PEPD: variants seen among roughly 807,000 people sequenced by gnomAD.
PEPD encodes peptidase D, also known as xaa-Pro dipeptidase.
Under a neutral mutation model 60.7 loss-of-function variants are expected in PEPD, and 53 were observed. That is an observed-to-expected ratio of 0.87 (90% CI 0.70 to 1.10). PEPD has a LOEUF of 1.10. Ranked by LOEUF, PEPD falls within the 50% of genes least tolerant of loss-of-function variation. The pLI is 0.00. For synonymous variants in PEPD, 267 were observed against 284.1 expected, an observed-to-expected ratio of 0.94 and a Z score of 0.60; for missense variants, 711 against 711.9, an observed-to-expected ratio of 1.00 and a Z score of 0.01.
At chr19:33,390,240 TG>T (rs767384319) in intron 13 of PEPD, among the ~76,000 whole-genome samples, 1 of 151,710 alleles carries the variant, frequency 6.6e-6, no homozygotes, top group Non-Finnish European at 1.5e-5. Flanking sequence ...TTTTTGCTGG[TG>T]GAAAAAAAGC....
chr19:33,454,128 C>T (rs534293890), intron 9 of PEPD, among the ~76,000 whole-genome samples: 1 of 152,172 alleles, frequency 6.6e-6, no homozygotes, highest in East Asian at 1.9e-4. Context: ...AAGATGAGCC[C>T]GGTGCAACCC....
At chr19:33,508,966 C>A (rs960730878) in intron 3 of PEPD, among the ~76,000 whole-genome samples, 1 of 152,224 alleles carries the variant, frequency 6.6e-6, no homozygotes, top group African/African-American at 2.4e-5. Flanking sequence ...AGAGAAGGAA[C>A]TGGAGCCCCA....
intron 9 of PEPD, among the ~76,000 whole-genome samples, chr19:33,432,086 G>A (rs1214943337): frequency 2.0e-5 from 3 of 151,482 alleles, no homozygotes; most frequent in African/African-American, 7.3e-5. Flanking sequence ...CCCAGGTAAG[G>A]GCCACTCTGG....
chr19:33,499,201 A>G (rs79107016), intron 4 of PEPD, among the ~76,000 whole-genome samples: 5,874 of 152,212 alleles, frequency 0.039, 250 homozygotes, highest in African/African-American at 0.099. Flanking sequence ...TATTGACAGA[A>G]TCTTCAGATG....
At chr19:33,445,515 C>A (rs1244328740) in intron 9 of PEPD, among the ~76,000 whole-genome samples, 1 of 152,168 alleles carries the variant, frequency 6.6e-6, no homozygotes, top group Non-Finnish European at 1.5e-5. Flanking sequence ...CCCAGGGATG[C>A]GTGCACACAG....
intron 14 of PEPD, 198 bp downstream of exon 14, chr19:33,387,692 G>A (rs946824680): frequency 4.8e-5 from 37 of 773,904 alleles, no homozygotes; most frequent in Middle Eastern, 3.5e-4. Context: ...CCTGGAGCGG[G>A]CAGGGGTTTT....
chr19:33,422,811 T>A (rs1969053139), intron 9 of PEPD, among the ~76,000 whole-genome samples: 1 of 140,618 alleles, frequency 7.1e-6, no homozygotes, highest in Non-Finnish European at 1.6e-5. Flanking sequence ...CATCCATCCA[T>A]CCTTCTATAT....
Position 33,387,397 on chromosome 19 carries a change from CT to C in PEPD, c.1428del (p.Ala477HisfsTer61). The C allele has an allele frequency of 6.2e-7, 1 of 1,614,126 alleles. No individual in the cohort carries two copies. On this transcript the variant is annotated frameshift_variant, in exon 15 of 15. Coordinates refer to ENST00000244137, the MANE Select transcript of PEPD (RefSeq NM_000285.4). LOFTEE classifies it high-confidence loss of function. ...GCCTTGTCACAGCCTGCCATGCATG[CT>C]TCAATCTCTTCCACAGTGCGGGGCA... The part of the protein sequence containing the change: ...TCVPRTVEEI[E>X]ACMAGCDKAF...
At chr19:33,419,991 T>G (rs952741433) in intron 9 of PEPD, among the ~76,000 whole-genome samples, 6 of 152,246 alleles carry the variant, frequency 3.9e-5, no homozygotes, top group African/African-American at 1.4e-4. Flanking sequence ...TCACTCTCTC[T>G]CTGAGAGCTG....
intron 2 of PEPD, among the ~76,000 whole-genome samples, chr19:33,512,023 C>T (rs993312925): frequency 6.6e-6 from 1 of 152,172 alleles, no homozygotes; most frequent in Non-Finnish European, 1.5e-5. Context: ...AGCTCCCCTT[C>T]GCATTCCCAT....
chr19:33,471,328 TG>T (rs536768642), intron 7 of PEPD, among the ~76,000 whole-genome samples: 150 of 152,328 alleles, frequency 9.8e-4, no homozygotes, highest in Middle Eastern at 3.4e-3. Context: ...CACCCCAGCC[TG>T]GCCTGGTTAT....
intron 9 of PEPD, among the ~76,000 whole-genome samples, chr19:33,449,757 C>T (rs768346052): frequency 2.1e-4 from 7 of 33,600 alleles, no homozygotes; most frequent in African/African-American, 6.3e-4. Context: ...CCACCCCAGG[C>T]GGTGTCCCAA....
chr19:33,408,457 C>T (rs1202766082), intron 11 of PEPD, among the ~76,000 whole-genome samples: 2 of 152,216 alleles, frequency 1.3e-5, no homozygotes, highest in Non-Finnish European at 2.9e-5. Flanking sequence ...TCGGTCAGTT[C>T]CCTGTGTGTG....
chr19:33,389,275 C>T (rs573377243), intron 13 of PEPD, among the ~76,000 whole-genome samples: 124 of 152,266 alleles, frequency 8.1e-4, no homozygotes, highest in Admixed American at 1.4e-3. Flanking sequence ...GGTGTGGCCC[C>T]GGCCCCACAA....
chr19:33,387,881 G>C lies in PEPD; in HGVS notation c.1344+9C>G. ...TCTGGGAGCAAGAATGGGGCCCGTG[G>C]GCACTCACCCCGCCAAAACCGCGAA... On this transcript the variant is annotated intron_variant, in intron 14 of 14. Transcript: ENST00000244137. 2 of 1,555,022 alleles carry C rather than the reference G, an allele frequency of 1.3e-6. No homozygotes were observed. The highest frequency in any genetic ancestry group is 8.7e-7 in the Non-Finnish European group (1 of 1,149,466).
At chr19:33,516,662 AG>A (rs1413692258) in intron 1 of PEPD, among the ~76,000 whole-genome samples, 1 of 152,154 alleles carries the variant, frequency 6.6e-6, no homozygotes, top group Non-Finnish European at 1.5e-5. Flanking sequence ...CCTAAGGCCT[AG>A]GGACCCCCAA....
At chr19:33,400,107 A>T (rs62102718) in intron 12 of PEPD, among the ~76,000 whole-genome samples, 37,317 of 152,082 alleles carry the variant, frequency 0.25, 5,272 homozygotes, top group South Asian at 0.43. Context: ...GAGCTCCCCT[A>T]CACAGGGGGC....
At chr19:33,401,917 C>CTTA in intron 11 of PEPD, 48 bp from the exon 12 acceptor site, 14 of 1,595,792 alleles carry the variant, frequency 8.8e-6, no homozygotes, top group Non-Finnish European at 1.2e-5. Context: ...GTGCCACCGC[C>CTTA]CCCTTACCCT....
At chr19:33,476,273 G>A (rs1388437664) in intron 7 of PEPD, among the ~76,000 whole-genome samples, 7 of 152,102 alleles carry the variant, frequency 4.6e-5, no homozygotes, top group Non-Finnish European at 1.0e-4. Context: ...CTAACCCCGA[G>A]GGTCAGTATT....
Sources: gnomAD v4.1 joint callset for allele counts (sites outside exome capture counted in the v4.1 genomes callset) on GRCh38, gnomAD v4.1.1 for gene constraint, MANE v1.5 for transcripts, NCBI Gene and HGNC (gene_info 2026-07-23, HGNC 2026-07-21) for gene names.